Variants in PEAK1 observed in about 807,000 individuals in gnomAD.
PEAK1 encodes pseudopodium enriched atypical kinase 1, also known as inactive tyrosine-protein kinase PEAK1.
PEAK1 carries 54 observed loss-of-function variants against 124.7 expected under a neutral mutation model. The ratio of observed to expected loss-of-function variants is 0.43; its 90% CI spans 0.35 to 0.54. The LOEUF is 0.54. Among genes scored for constraint, PEAK1 ranks in the 20% least tolerant of loss-of-function variants. The pLI is 0.01. For synonymous variants in PEAK1, 719 were observed against 760.0 expected (o/e 0.95, Z 0.89); for missense variants, 2,046 against 2,134.5 (o/e 0.96, Z 0.82).
At chr15:77,192,211 T>A (rs1031741779) in intron 6 of PEAK1, among the ~76,000 whole-genome samples, 3 of 152,146 alleles carry the variant, frequency 2.0e-5, no homozygotes, top group Non-Finnish European at 4.4e-5. Flanking sequence ...CTGAGGTGGA[T>A]GAGAGAGAAA....
intron 2 of PEAK1, among the ~76,000 whole-genome samples, chr15:77,302,408 C>G (rs564849138): frequency 1.3e-5 from 2 of 152,188 alleles, no homozygotes; most frequent in Non-Finnish European, 2.9e-5. Flanking sequence ...ATTTTAGCCT[C>G]TCATTGCTTA....
chr15:77,233,496 A>G (rs1427463949), intron 6 of PEAK1, among the ~76,000 whole-genome samples: 1 of 152,094 alleles, frequency 6.6e-6, no homozygotes, highest in East Asian at 1.9e-4. Context: ...GTTCCATCTT[A>G]GCCTATTTCA....
At chr15:77,380,867 T>C (rs1567331217) in intron 1 of PEAK1, among the ~76,000 whole-genome samples, 1 of 152,222 alleles carries the variant, frequency 6.6e-6, no homozygotes, top group African/African-American at 2.4e-5. Context: ...GAAACCCTGG[T>C]ATGCCACTTT....
intron 5 of PEAK1, among the ~76,000 whole-genome samples, chr15:77,252,866 T>C (rs2060942422): frequency 6.6e-6 from 1 of 152,164 alleles, no homozygotes; most frequent in Admixed American, 6.6e-5. Flanking sequence ...ACTCGAACTT[T>C]ATAAAAATAT....
intron 7 of PEAK1, among the ~76,000 whole-genome samples, chr15:77,166,015 T>C (rs1441139091): frequency 6.6e-6 from 1 of 152,164 alleles, no homozygotes; most frequent in African/African-American, 2.4e-5. Context: ...GATGAAGAAA[T>C]AAAACTGCTT....
chr15:77,346,443 G>A (rs1043210562), intron 2 of PEAK1: 37 of 985,096 alleles, frequency 3.8e-5, no homozygotes, highest in Non-Finnish European at 4.2e-5. Context: ...TCCCTTGGGG[G>A]AGAGGCCAAC....
At chr15:77,389,574 T>C (rs1414454444) in intron 1 of PEAK1, among the ~76,000 whole-genome samples, 1 of 152,182 alleles carries the variant, frequency 6.6e-6, no homozygotes, top group Admixed American at 6.5e-5. Flanking sequence ...GTAATTATCT[T>C]AGAGGCCATT....
chr15:77,144,450 T>G (rs1456836517), intron 8 of PEAK1, among the ~76,000 whole-genome samples: 1 of 152,192 alleles, frequency 6.6e-6, no homozygotes, highest in Non-Finnish European at 1.5e-5. Context: ...ACTAAAGCAT[T>G]TTTAGCCTTT....
intron 2 of PEAK1, among the ~76,000 whole-genome samples, chr15:77,314,053 C>CT (rs2064710893): frequency 6.6e-6 from 1 of 152,118 alleles, no homozygotes; most frequent in Non-Finnish European, 1.5e-5. Flanking sequence ...TACTTTATTT[C>CT]TGTGGTCTTC....
intron 1 of PEAK1, chr15:77,419,567 G>C: frequency 1.0e-6 from 1 of 985,202 alleles, no homozygotes; most frequent in Non-Finnish European, 1.2e-6. Flanking sequence ...CGGGCTGACC[G>C]TGTGGACCCG....
At chr15:77,370,280 C>T (rs2068549565) in intron 1 of PEAK1, among the ~76,000 whole-genome samples, 1 of 152,110 alleles carries the variant, frequency 6.6e-6, no homozygotes, top group African/African-American at 2.4e-5. Flanking sequence ...ATCCATGATA[C>T]CTTTGGAAAG....
At chr15:77,149,111 T>C (rs562722113) in intron 8 of PEAK1, among the ~76,000 whole-genome samples, 7 of 152,272 alleles carry the variant, frequency 4.6e-5, no homozygotes, top group Admixed American at 3.3e-4. Context: ...GGATGTTAAA[T>C]AGCCAGCCCA....
intron 6 of PEAK1, among the ~76,000 whole-genome samples, chr15:77,247,485 C>CTTTTTTT (rs398028029): frequency 0.027 from 2,235 of 84,336 alleles, 18 homozygotes; most frequent in Non-Finnish European, 0.035. Flanking sequence ...CTTTTCTTTT[C>CTTTTTTT]TTTTTTTTTT....
chr15:77,116,701 A>AATCTATCTATCT (rs34607835), intron 9 of PEAK1, among the ~76,000 whole-genome samples: 22 of 145,752 alleles, frequency 1.5e-4, no homozygotes, highest in African/African-American at 2.8e-4. Flanking sequence ...GAAATCAATC[A>AATCTATCTATCT]ATCTATCTAT....
At chr15:77,242,334 C>T (rs1319052242) in intron 6 of PEAK1, among the ~76,000 whole-genome samples, 2 of 152,030 alleles carry the variant, frequency 1.3e-5, no homozygotes, top group African/African-American at 4.8e-5. Context: ...TAAATTTTGA[C>T]TTAAAACTTA....
At chr15:77,401,863 T>G in intron 1 of PEAK1, 1 of 985,176 alleles carries the variant, frequency 1.0e-6, no homozygotes, top group Non-Finnish European at 1.2e-6. Context: ...ATATTTTCTA[T>G]GCTAAGAATG....
At chr15:77,253,912 G>A (rs2061002481) in intron 5 of PEAK1, among the ~76,000 whole-genome samples, 1 of 152,056 alleles carries the variant, frequency 6.6e-6, no homozygotes. Context: ...TCCACCCTCT[G>A]GGTTGAAGCG....
chr15:77,339,963 C>T (rs2066430910), intron 2 of PEAK1, among the ~76,000 whole-genome samples: 1 of 152,186 alleles, frequency 6.6e-6, no homozygotes, highest in Admixed American at 6.5e-5. Context: ...ACACTTATTA[C>T]AATGGCTAAA....
chr15:77,315,098 C>G (rs1313203263), intron 2 of PEAK1, among the ~76,000 whole-genome samples: 1 of 152,076 alleles, frequency 6.6e-6, no homozygotes, highest in African/African-American at 2.4e-5. Context: ...ACAGTATTAC[C>G]CATGGGACAA....
Sources: gnomAD v4.1 joint callset for allele counts (sites outside exome capture counted in the v4.1 genomes callset) on GRCh38, gnomAD v4.1.1 for gene constraint, MANE v1.5 for transcripts, NCBI Gene and HGNC (gene_info 2026-07-23, HGNC 2026-07-21) for gene names.